ART3: variants seen among roughly 807,000 people sequenced by gnomAD.
The protein encoded by ART3 is ADP-ribosyltransferase 3 (inactive).
Under a neutral mutation model 48.5 loss-of-function variants are expected in ART3, and 49 were observed. The observed-to-expected ratio is 1.01, with a 90% confidence interval of 0.80 to 1.28. The LOEUF is 1.28. ART3 is among the 50% of genes most tolerant of loss of function. ART3 has a pLI of 0.00. For synonymous variants in ART3, 145 were observed against 157.2 expected, an observed-to-expected ratio of 0.92 and a Z score of 0.58; for missense variants, 438 against 454.3, an observed-to-expected ratio of 0.96 and a Z score of 0.33.
intron 1 of ART3, chr4:76,021,853 T>C: frequency 1.5e-6 from 2 of 1,327,700 alleles, no homozygotes; most frequent in South Asian, 1.2e-5. Flanking sequence ...ATACTCCATG[T>C]AGGGAAGTGA....
chr4:76,107,227 C>T (rs1326269429), intron 10 of ART3: 1 of 152,126 alleles, frequency 6.6e-6, no homozygotes, highest in African/African-American at 2.4e-5. Context: ...ACAACCCCAT[C>T]ATAAGTCGAG....
intron 1 of ART3, among the ~76,000 whole-genome samples, chr4:76,026,364 A>G (rs1467824342): frequency 6.6e-6 from 1 of 152,200 alleles, no homozygotes; most frequent in African/African-American, 2.4e-5. Context: ...ACAGGGAACT[A>G]AAATGCATAT....
chr4:76,097,796 G>C, intron 4 of ART3, 120 bp downstream of exon 4: 1 of 797,008 alleles, frequency 1.3e-6, no homozygotes. Context: ...TTTTCTCAAG[G>C]CTAAATTGTG....
chr4:76,082,957 GAC>G (rs1170067927), intron 3 of ART3, among the ~76,000 whole-genome samples: 2 of 130,038 alleles, frequency 1.5e-5, no homozygotes, highest in African/African-American at 5.7e-5. Flanking sequence ...GATGTTGAGA[GAC>G]CCTACTATAA....
intron 1 of ART3, among the ~76,000 whole-genome samples, chr4:76,020,449 A>G (rs1017718409): frequency 1.3e-5 from 2 of 152,144 alleles, no homozygotes; most frequent in African/African-American, 4.8e-5. Flanking sequence ...CTAGATGCTA[A>G]TAATTTGCCA....
At chr4:76,068,597 G>A (rs148436147) in intron 1 of ART3, among the ~76,000 whole-genome samples, 3 of 152,056 alleles carry the variant, frequency 2.0e-5, no homozygotes, top group Non-Finnish European at 2.9e-5. Context: ...GGACACAAAG[G>A]GGGGACCAAC....
intron 1 of ART3, among the ~76,000 whole-genome samples, chr4:76,011,815 C>T (rs992498915): frequency 1.3e-5 from 2 of 152,162 alleles, no homozygotes; most frequent in African/African-American, 4.8e-5. Context: ...TCCTGGGCTT[C>T]GTTTAGGAAC....
At chr4:76,102,679 A>G (rs1241202930) in intron 8 of ART3, among the ~76,000 whole-genome samples, 2 of 118,536 alleles carry the variant, frequency 1.7e-5, no homozygotes, top group African/African-American at 5.1e-5. Flanking sequence ...AAAAATGTAT[A>G]TGTATATATA....
chr4:76,026,543 A>T (rs1482381139), intron 1 of ART3, among the ~76,000 whole-genome samples: 1 of 152,214 alleles, frequency 6.6e-6, no homozygotes, highest in African/African-American at 2.4e-5. Flanking sequence ...AACCAAGTTT[A>T]ATTTAAGAAG....
chr4:76,035,654 A>G (rs1734321916), intron 1 of ART3, among the ~76,000 whole-genome samples: 1 of 152,240 alleles, frequency 6.6e-6, no homozygotes, highest in African/African-American at 2.4e-5. Context: ...GCTATATAAA[A>G]TCTTCTTAAC....
intron 1 of ART3, among the ~76,000 whole-genome samples, chr4:76,062,121 G>A (rs530904562): frequency 2.6e-5 from 4 of 152,244 alleles, no homozygotes; most frequent in Admixed American, 6.5e-5. Context: ...TGATGGTCTC[G>A]TATAAGAAAG....
intron 1 of ART3, among the ~76,000 whole-genome samples, chr4:76,014,601 G>A (rs1032024024): frequency 1.3e-5 from 2 of 152,128 alleles, no homozygotes; most frequent in Non-Finnish European, 2.9e-5. Context: ...AGTTTCGGAA[G>A]GAGAAGAGAG....
intron 1 of ART3, among the ~76,000 whole-genome samples, chr4:76,046,789 C>T (rs10025181): frequency 0.59 from 89,543 of 151,610 alleles, 27,579 homozygotes; most frequent in East Asian, 0.94. Context: ...GTGAAAAGAG[C>T]AAAGTCTCTC....
intron 1 of ART3, chr4:76,035,901 G>C (rs750416577): frequency 6.2e-7 from 1 of 1,601,182 alleles, no homozygotes; most frequent in Admixed American, 1.7e-5. Context: ...GAACTTATAG[G>C]TTGAGAAATA....
rs915739528 is a variant in ART3, at chr4:76,060,513, C to G, written c.-9-15368C>G. Among the ~76,000 whole-genome samples the G allele has an allele frequency of 8.5e-5, 13 of 152,162 alleles. 1 individual carries two copies. The highest frequency in any genetic ancestry group is 3.1e-4 in the African/African-American group (13 of 41,432). On this transcript the variant is annotated intron_variant, in intron 1 of 9. Coordinates refer to the ART3 transcript ENST00000341029. ...ATCTGCAAGCCTACACACCTATTGG[C>G]TAACATGGTAGGCAGAATAATTATT...
intron 1 of ART3, among the ~76,000 whole-genome samples, chr4:76,051,817 C>T (rs1203235975): frequency 6.6e-6 from 1 of 151,262 alleles, no homozygotes; most frequent in Non-Finnish European, 1.5e-5. Flanking sequence ...GCTGGGATTA[C>T]TGGCATAAGC....
chr4:76,048,969 G>A (rs185454403), intron 1 of ART3, among the ~76,000 whole-genome samples: 1 of 152,098 alleles, frequency 6.6e-6, no homozygotes, highest in African/African-American at 2.4e-5. Flanking sequence ...TTCAGGGTTG[G>A]AAGAGTGACA....
intron 1 of ART3, among the ~76,000 whole-genome samples, chr4:76,017,502 G>A (rs1239824234): frequency 6.6e-6 from 1 of 151,892 alleles, no homozygotes. Context: ...GAAGGAAGGA[G>A]TCGCTTTTAT....
chr4:76,069,634 C>G (rs942017988), intron 1 of ART3, among the ~76,000 whole-genome samples: 2 of 151,928 alleles, frequency 1.3e-5, no homozygotes, highest in East Asian at 3.9e-4. Context: ...AAGTGATCCG[C>G]CTGCCTTGGC....
Sources: allele counts gnomAD v4.1 joint callset (sites outside exome capture counted in the v4.1 genomes callset), GRCh38; gene constraint gnomAD v4.1.1; transcripts MANE v1.5; gene names NCBI Gene and HGNC (gene_info 2026-07-23, HGNC 2026-07-21).